INPP4B: variants seen among roughly 807,000 people sequenced by gnomAD.
INPP4B encodes inositol polyphosphate 4-phosphatase type II.
In INPP4B, 55 loss-of-function variants were observed where a neutral mutation model predicts 122.5. The observed-to-expected ratio is 0.45, with a 90% CI of 0.36 to 0.56. The LOEUF is 0.56. Among genes scored for constraint, INPP4B ranks in the 20% least tolerant of loss-of-function variants. The pLI, the probability that INPP4B is intolerant of heterozygous loss-of-function variation, is 0.00. For missense variants in INPP4B, 1,000 were observed against 1,097.7 expected (o/e 0.91, Z 1.26); for synonymous variants, 403 against 388.7 (o/e 1.04, Z -0.43).
chr4:142,585,588 A>T (rs1735985839), intron 2 of INPP4B, among the ~76,000 whole-genome samples: 1 of 152,092 alleles, frequency 6.6e-6, no homozygotes, highest in Admixed American at 6.6e-5. Context: ...CCACTGTCAT[A>T]TATTCTTGCT....
chr4:142,193,064 G>T (rs779815716), intron 15 of INPP4B, 23 bp downstream of exon 15: 13 of 1,383,544 alleles, frequency 9.4e-6, no homozygotes, highest in Non-Finnish European at 1.3e-5. Flanking sequence ...TGGAATCTGT[G>T]CTTTCCTCCT....
intron 2 of INPP4B, among the ~76,000 whole-genome samples, chr4:142,643,524 G>A (rs1021830918): frequency 2.1e-4 from 32 of 152,064 alleles, no homozygotes; most frequent in Admixed American, 2.6e-4. Context: ...ATGGTTGCAG[G>A]GGTGTTCACT....
intron 9 of INPP4B, among the ~76,000 whole-genome samples, chr4:142,283,152 GTGAC>G (rs1317848771): frequency 6.6e-6 from 1 of 152,038 alleles, no homozygotes; most frequent in Non-Finnish European, 1.5e-5. Flanking sequence ...ATAAGATACT[GTGAC>G]TGACTGGCTA....
In INPP4B at chr4:142,260,522, C is replaced by G; in HGVS notation, c.658G>C (p.Gly220Arg). 6.2e-7 allele frequency: 1 copy of G among 1,607,628 alleles called. No homozygotes were observed. The highest frequency in any genetic ancestry group is 8.5e-7 in the Non-Finnish European group (1 of 1,175,728). Residue 220 changes from glycine (G) to arginine (R), a missense_variant, in exon 11 of 26, where the codon GGA becomes CGA. By Grantham distance (125) the Gly-to-Arg change is moderately radical. Transcript: ENST00000262992. ...CECTAPESVS[G>R]KDNLPFLNSV... ...TTCAAAAAAGGTAAGTTATCTTTTC[C>G]GCTCACACTTTCCGGGGCTGTACAT...
At chr4:142,147,543 G>A (rs953963430) in intron 17 of INPP4B, among the ~76,000 whole-genome samples, 1 of 152,140 alleles carries the variant, frequency 6.6e-6, no homozygotes, top group Admixed American at 6.5e-5. Flanking sequence ...GTCTCAGTTG[G>A]AATGATAATT....
intron 7 of INPP4B, among the ~76,000 whole-genome samples, chr4:142,323,091 A>G (rs1579731779): frequency 6.6e-6 from 1 of 152,220 alleles, no homozygotes; most frequent in Non-Finnish European, 1.5e-5. Flanking sequence ...ACACACAAAA[A>G]AAGTTAACAG....
intron 1 of INPP4B, among the ~76,000 whole-genome samples, chr4:142,731,335 C>A (rs1201933055): frequency 6.6e-6 from 1 of 152,132 alleles, no homozygotes; most frequent in Non-Finnish European, 1.5e-5. Flanking sequence ...TTTTGCATTT[C>A]TCTGTGTCTG....
chr4:142,328,353 G>A (rs749888979), intron 7 of INPP4B, among the ~76,000 whole-genome samples: 4 of 152,132 alleles, frequency 2.6e-5, no homozygotes, highest in Non-Finnish European at 4.4e-5. Flanking sequence ...CTGAGAGATC[G>A]ATTTCCTACA....
intron 1 of INPP4B, among the ~76,000 whole-genome samples, chr4:142,821,649 A>G (rs1780805943): frequency 1.3e-5 from 2 of 152,122 alleles, no homozygotes; most frequent in Admixed American, 1.3e-4. Flanking sequence ...CTATGTATTC[A>G]ACAATAAACA....
intron 1 of INPP4B, among the ~76,000 whole-genome samples, chr4:142,787,103 A>G (rs6831728): frequency 0.092 from 13,933 of 152,192 alleles, 806 homozygotes; most frequent in African/African-American, 0.16. Flanking sequence ...TCTCTGTACT[A>G]TCTTCTCAAT....
intron 18 of INPP4B, among the ~76,000 whole-genome samples, chr4:142,130,426 T>C (rs1195294379): frequency 6.6e-6 from 1 of 152,000 alleles, no homozygotes; most frequent in African/African-American, 2.4e-5. Flanking sequence ...AATGGGAGTC[T>C]AGGTATAGGC....
At chr4:142,227,280 C>A (rs1160739762) in intron 12 of INPP4B, among the ~76,000 whole-genome samples, 1 of 152,024 alleles carries the variant, frequency 6.6e-6, no homozygotes, top group Non-Finnish European at 1.5e-5. Flanking sequence ...CAGGAGAATG[C>A]GCAGCCACAG....
At chr4:142,267,962 A>T (rs1402416226) in intron 10 of INPP4B, among the ~76,000 whole-genome samples, 3 of 152,154 alleles carry the variant, frequency 2.0e-5, no homozygotes, top group Admixed American at 1.3e-4. Flanking sequence ...ATTGCTGATT[A>T]CCAGGAAAAT....
intron 1 of INPP4B, among the ~76,000 whole-genome samples, chr4:142,776,915 G>A (rs182732860): frequency 6.6e-6 from 1 of 152,238 alleles, no homozygotes; most frequent in Admixed American, 6.5e-5. Context: ...AAATGATCAT[G>A]AGTAGTGACT....
intron 1 of INPP4B, among the ~76,000 whole-genome samples, chr4:142,751,433 C>T (rs962532024): frequency 1.3e-5 from 2 of 151,810 alleles, no homozygotes; most frequent in African/African-American, 4.8e-5. Context: ...AACAGGCAAA[C>T]AAGATGTATT....
At chr4:142,693,483 T>TA (rs554003993) in intron 2 of INPP4B, among the ~76,000 whole-genome samples, 2 of 52,396 alleles carry the variant, frequency 3.8e-5, no homozygotes, top group Non-Finnish European at 6.6e-5. Flanking sequence ...TGCCTTTTTC[T>TA]AAAAAAAAAA....
chr4:142,806,962 ATCATG>A (rs2151110218), intron 1 of INPP4B, among the ~76,000 whole-genome samples: 1 of 152,312 alleles, frequency 6.6e-6, no homozygotes, highest in East Asian at 1.9e-4. Flanking sequence ...TGCCATTCTC[ATCATG>A]TCTGCCCCTC....
chr4:142,372,765 C>T (rs1324004573), intron 7 of INPP4B, among the ~76,000 whole-genome samples: 1 of 151,982 alleles, frequency 6.6e-6, no homozygotes, highest in African/African-American at 2.4e-5. Flanking sequence ...TTTCCATTTC[C>T]ATCATCAGCT....
Position 142,771,734 on chromosome 4 carries a change from A to G in INPP4B, c.-253-45833T>C, listed in dbSNP as rs80010990. On this transcript the variant is annotated intron_variant, in intron 1 of 25. Transcript: ENST00000262992. The stretch of plus-strand genomic sequence containing the variant: ...GAGAAACTCTTGTGACCAAGAAGTG[A>G]TCTGATTTTGTAAACCAACCAACCA... Among the ~76,000 whole-genome samples the G allele has an allele frequency of 1.4e-3, 213 of 152,174 alleles. 1 individual carries two copies. The highest frequency in any genetic ancestry group is 5.0e-3 in the African/African-American group (207 of 41,532).
Sources: gnomAD v4.1 joint callset for allele counts (sites outside exome capture counted in the v4.1 genomes callset) on GRCh38, gnomAD v4.1.1 for gene constraint, MANE v1.5 for transcripts, NCBI Gene and HGNC (gene_info 2026-07-23, HGNC 2026-07-21) for gene names.